FBXW7: variants seen among roughly 807,000 people sequenced by gnomAD.
The protein encoded by FBXW7 is F-box and WD repeat domain containing 7.
In FBXW7, 11 loss-of-function variants were observed where a neutral mutation model predicts 86.3. The ratio of observed to expected loss-of-function variants is 0.13; its 90% CI spans 0.08 to 0.21. FBXW7 has a LOEUF of 0.21. FBXW7 is among the 10% of genes least tolerant of loss of function. FBXW7 has a pLI of 1.00. For synonymous variants in FBXW7, 313 were observed against 297.9 expected, an observed-to-expected ratio of 1.05 and a Z score of -0.52; for missense variants, 488 against 847.4, an observed-to-expected ratio of 0.58 and a Z score of 5.27.
intron 2 of FBXW7, among the ~76,000 whole-genome samples, chr4:152,470,056 T>C (rs75390668): frequency 0.016 from 2,434 of 152,180 alleles, 75 homozygotes; most frequent in African/African-American, 0.056. Flanking sequence ...ACCTACTCTG[T>C]AATGTCTACC....
chr4:152,436,616 G>A (rs994495080), intron 2 of FBXW7, among the ~76,000 whole-genome samples: 1 of 152,208 alleles, frequency 6.6e-6, no homozygotes, highest in Non-Finnish European at 1.5e-5. Context: ...AGCTGGACAG[G>A]TGAAGTCAAT....
chr4:152,496,505 CTG>C (rs1746355520), intron 2 of FBXW7, among the ~76,000 whole-genome samples: 1 of 152,018 alleles, frequency 6.6e-6, no homozygotes, highest in South Asian at 2.1e-4. Flanking sequence ...TGGCGAAACC[CTG>C]TCTCTACTAA....
In FBXW7 at chr4:152,328,328, A is replaced by T. The variant is rs1345338926; in HGVS notation, c.1298T>A (p.Ile433Asn). The T allele has an allele frequency of 6.3e-7, 1 of 1,592,360 alleles. No homozygotes were observed. Among genetic ancestry groups the T allele is most frequent in the Admixed American group, 1.8e-5 (1 of 56,392 alleles). The change falls in exon 11 of 14, where the codon ATC (isoleucine) becomes AAC (asparagine). Residue 433 changes from isoleucine (I) to asparagine (N), a missense_variant. Coordinates refer to ENST00000281708, the MANE Select transcript of FBXW7 (RefSeq NM_001349798.2). ...GVWSSQMRDNIIISGSTDRTL... is the reference protein window; with the variant it reads ...GVWSSQMRDNNIISGSTDRTL... ...CCGATCTGTAGATCCACTAATGATG[A>T]TGTTGTCTCTCATTTGTGATGACCA... is the stretch of plus-strand genomic sequence containing the variant.
chr4:152,403,819 T>C (rs1388689173), intron 4 of FBXW7, among the ~76,000 whole-genome samples: 1 of 152,148 alleles, frequency 6.6e-6, no homozygotes, highest in Non-Finnish European at 1.5e-5. Context: ...GACTGGTCCA[T>C]GGCCTGGGGG....
chr4:152,326,055 G>C lies in FBXW7; in HGVS notation c.1595C>G (p.Thr532Ser). 1 of 1,613,184 alleles carries C rather than the reference G, an allele frequency of 6.2e-7. No homozygotes were observed. Among genetic ancestry groups the C allele is most frequent in the Non-Finnish European group, 8.5e-7 (1 of 1,179,470 alleles). ...MVKVWDPETETCLHTLQGHTN... is the reference protein window; with the variant it reads ...MVKVWDPETESCLHTLQGHTN... ...ATGCCCCTGCAACGTGTGTAGACAG[G>C]TTTCAGTCTCTGGATCCCACACCTT... Residue 532 changes from threonine to serine, a missense_variant, in exon 12 of 14, where the codon ACC becomes AGC. Coordinates refer to ENST00000281708, the MANE Select transcript of FBXW7 (RefSeq NM_001349798.2).
intron 2 of FBXW7, among the ~76,000 whole-genome samples, chr4:152,438,814 G>A (rs1740616808): frequency 6.6e-6 from 1 of 152,178 alleles, no homozygotes; most frequent in African/African-American, 2.4e-5. Flanking sequence ...TAACAGCACA[G>A]AAAAAATATA....
At chr4:152,482,547 G>A (rs962502857) in intron 2 of FBXW7, among the ~76,000 whole-genome samples, 2 of 152,000 alleles carry the variant, frequency 1.3e-5, no homozygotes, top group Admixed American at 1.3e-4. Flanking sequence ...CTTGCTGTGT[G>A]TTTTCCTAAG....
At chr4:152,505,508 T>C (rs1166908982) in intron 2 of FBXW7, among the ~76,000 whole-genome samples, 1 of 152,164 alleles carries the variant, frequency 6.6e-6, no homozygotes, top group Non-Finnish European at 1.5e-5. Context: ...ATAAGCCTTT[T>C]TCCTGTTTTA....
intron 2 of FBXW7, among the ~76,000 whole-genome samples, chr4:152,482,354 A>C (rs781018951): frequency 6.6e-6 from 1 of 152,210 alleles, no homozygotes; most frequent in Non-Finnish European, 1.5e-5. Flanking sequence ...GGAAAACAAA[A>C]ATGTGTGTGA....
intron 4 of FBXW7, chr4:152,382,241 T>G (rs1735144842): frequency 6.2e-7 from 1 of 1,601,264 alleles, no homozygotes; most frequent in Non-Finnish European, 8.5e-7. Context: ...GCTAAATATC[T>G]TCATCACAGT....
At chr4:152,395,629 G>C (rs571055965) in intron 4 of FBXW7, among the ~76,000 whole-genome samples, 5 of 152,120 alleles carry the variant, frequency 3.3e-5, no homozygotes, top group African/African-American at 1.2e-4. Flanking sequence ...TAGGTCACTG[G>C]CTAAAGCACT....
intron 2 of FBXW7, among the ~76,000 whole-genome samples, chr4:152,451,251 T>C (rs1021113658): frequency 6.6e-6 from 1 of 152,240 alleles, no homozygotes. Flanking sequence ...AATTAACTAA[T>C]GCATTTTAAA....
intron 2 of FBXW7, among the ~76,000 whole-genome samples, chr4:152,533,628 A>T (rs918997372): frequency 2.0e-5 from 3 of 152,260 alleles, no homozygotes; most frequent in African/African-American, 7.2e-5. Flanking sequence ...AAATAATGAA[A>T]GTCCATAAAA....
chr4:152,426,749 A>G (rs1397215780), intron 2 of FBXW7, among the ~76,000 whole-genome samples: 1 of 152,224 alleles, frequency 6.6e-6, no homozygotes, highest in Admixed American at 6.5e-5. Context: ...CTACAGGGAC[A>G]AGAGAAGTCT....
intron 6 of FBXW7, among the ~76,000 whole-genome samples, chr4:152,344,238 T>C (rs1731030926): frequency 6.6e-6 from 1 of 152,150 alleles, no homozygotes; most frequent in Admixed American, 6.5e-5. Context: ...TTCTAGTTAC[T>C]CTGGGACCAG....
intron 4 of FBXW7, among the ~76,000 whole-genome samples, chr4:152,365,163 G>C (rs142092186): frequency 3.3e-5 from 5 of 152,212 alleles, no homozygotes; most frequent in Non-Finnish European, 7.4e-5. Context: ...TTCGGAGCAG[G>C]GAGGGATAAC....
intron 2 of FBXW7, among the ~76,000 whole-genome samples, chr4:152,418,117 A>G (rs1479681440): frequency 6.7e-6 from 1 of 149,244 alleles, no homozygotes; most frequent in Non-Finnish European, 1.5e-5. Context: ...CATTTAAAGA[A>G]CAGCTCTTAC....
chr4:152,515,721 G>A lies in FBXW7; in HGVS notation c.-120+19220C>T, dbSNP rs184319318. Reference sequence around the variant, plus strand: ...AAATAAATTTGACATTTCTGAAGCAGATATTGTGGCTGGAAGAATAACCAC... The same window carrying A: ...AAATAAATTTGACATTTCTGAAGCAAATATTGTGGCTGGAAGAATAACCAC... On this transcript the variant is annotated intron_variant, in intron 2 of 13. Coordinates refer to ENST00000281708, the MANE Select transcript of FBXW7 (RefSeq NM_001349798.2). 4.7e-5 allele frequency among the ~76,000 whole-genome samples: 7 copies of A among 148,222 alleles called. No individual in the cohort carries two copies. The East Asian group carries it at 7.8e-4, about 17-fold the overall frequency.
intron 5 of FBXW7, chr4:152,348,645 G>T: frequency 1.3e-6 from 1 of 785,894 alleles, no homozygotes; most frequent in Non-Finnish European, 1.7e-6. Context: ...ATTCTAAGCT[G>T]CCTTAAAAAC....
Sources: gnomAD v4.1 joint callset for allele counts (sites outside exome capture counted in the v4.1 genomes callset) on GRCh38, gnomAD v4.1.1 for gene constraint, MANE v1.5 for transcripts, NCBI Gene and HGNC (gene_info 2026-07-23, HGNC 2026-07-21) for gene names.